SPECC1: variants seen among roughly 807,000 people sequenced by gnomAD.
SPECC1 encodes the protein sperm antigen with calponin homology and coiled-coil domains 1.
Under a neutral mutation model 104.1 loss-of-function variants are expected in SPECC1, and 62 were observed. The ratio of observed to expected loss-of-function variants is 0.60; its 90% CI spans 0.49 to 0.74. SPECC1 has a LOEUF of 0.74. Ranked by LOEUF, SPECC1 falls within the 30% of genes least tolerant of loss-of-function variation. SPECC1 has a pLI of 0.00. For synonymous variants in SPECC1, 513 were observed against 501.6 expected, an observed-to-expected ratio of 1.02 and a Z score of -0.30; for missense variants, 1,306 against 1,310.5, an observed-to-expected ratio of 1.00 and a Z score of 0.05.
At chr17:20,087,111 A>C (rs1465404210) in intron 1 of SPECC1, 1 of 152,232 alleles carries the variant, frequency 6.6e-6, no homozygotes, top group African/African-American at 2.4e-5. Flanking sequence ...CCATCAGTTC[A>C]TACTTTACAA....
At chr17:20,167,577 C>G (rs2033762443) in intron 3 of SPECC1, among the ~76,000 whole-genome samples, 1 of 152,158 alleles carries the variant, frequency 6.6e-6, no homozygotes, top group Admixed American at 6.5e-5. Context: ...ACTCGGGAGG[C>G]TGAGGCAGGA....
intron 1 of SPECC1, among the ~76,000 whole-genome samples, chr17:20,078,164 G>A (rs1488562157): frequency 1.3e-5 from 2 of 150,352 alleles, no homozygotes; most frequent in East Asian, 2.0e-4. Context: ...AACCTTTCAT[G>A]TAATCTTGGG....
chr17:20,084,941 G>T (rs1372999548), intron 1 of SPECC1, among the ~76,000 whole-genome samples: 2 of 152,230 alleles, frequency 1.3e-5, no homozygotes, highest in Admixed American at 1.3e-4. Flanking sequence ...ATAAGCCTGG[G>T]TCCAGGGTGC....
chr17:20,297,187 T>C, intron 13 of SPECC1, 110 bp downstream of exon 13: 2 of 839,894 alleles, frequency 2.4e-6, no homozygotes, highest in Non-Finnish European at 3.8e-6. Flanking sequence ...AGTTGGGATA[T>C]TGATACCAGG....
At chr17:20,042,420 T>C (rs746041444) in intron 1 of SPECC1, among the ~76,000 whole-genome samples, 2 of 152,144 alleles carry the variant, frequency 1.3e-5, no homozygotes, top group Middle Eastern at 3.2e-3. Flanking sequence ...GAATCTCCAC[T>C]AGGCCTCCTC....
At chr17:20,177,170 G>T (rs1334532582) in intron 3 of SPECC1, among the ~76,000 whole-genome samples, 2 of 152,152 alleles carry the variant, frequency 1.3e-5, no homozygotes, top group African/African-American at 4.8e-5. Context: ...AAATAGACTT[G>T]TAAAAAAAAT....
intron 12 of SPECC1, among the ~76,000 whole-genome samples, chr17:20,273,755 C>A (rs999633877): frequency 4.6e-5 from 7 of 152,206 alleles, no homozygotes; most frequent in Admixed American, 3.9e-4. Context: ...TGGGTCTTTG[C>A]CCTTCGCCAC....
At chr17:20,311,448 T>G (rs1172535770) in intron 14 of SPECC1, among the ~76,000 whole-genome samples, 2 of 152,004 alleles carry the variant, frequency 1.3e-5, no homozygotes, top group African/African-American at 4.8e-5. Context: ...TGGGGTGCAA[T>G]GGCATGATCT....
At chr17:20,240,225 G>A (rs935394365) in intron 7 of SPECC1, among the ~76,000 whole-genome samples, 1 of 151,276 alleles carries the variant, frequency 6.6e-6, no homozygotes, top group Non-Finnish European at 1.5e-5. Flanking sequence ...CCCTTTCTAA[G>A]CACATCTTTG....
At chr17:20,090,765 G>C (rs1302306373) in intron 1 of SPECC1, among the ~76,000 whole-genome samples, 1 of 152,180 alleles carries the variant, frequency 6.6e-6, no homozygotes, top group Non-Finnish European at 1.5e-5. Flanking sequence ...GGAGACAGAA[G>C]GACGTCACAG....
chr17:20,140,347 G>A (rs2030622502), intron 3 of SPECC1, among the ~76,000 whole-genome samples: 1 of 152,008 alleles, frequency 6.6e-6, no homozygotes, highest in Non-Finnish European at 1.5e-5. Flanking sequence ...ACATGAGAAA[G>A]AACGAAAATA....
chr17:20,208,649 A>G lies in SPECC1; in HGVS notation c.1863+2737A>G, dbSNP rs753791799. Among the ~76,000 whole-genome samples, 8 of 152,356 alleles carry G rather than the reference A, an allele frequency of 5.3e-5. No individual in the cohort carries two copies. In the East Asian group the frequency reaches 9.6e-4, roughly 18 times the overall value. The stretch of plus-strand genomic sequence containing the variant: ...TTGGGCAGGCCCCTTTACATTGTGC[A>G]ATGTCGAATAGAAGCGTGACGGTGG... On this transcript the variant is annotated intron_variant, in intron 4 of 14. Transcript: ENST00000395527.
chr17:20,294,134 A>G (rs914197767), intron 12 of SPECC1, among the ~76,000 whole-genome samples: 1 of 152,128 alleles, frequency 6.6e-6, no homozygotes, highest in African/African-American at 2.4e-5. Flanking sequence ...GGTGCCCACC[A>G]CCACACCTGG....
chr17:20,251,948 T>C (rs2039648726), intron 9 of SPECC1, among the ~76,000 whole-genome samples: 1 of 152,172 alleles, frequency 6.6e-6, no homozygotes, highest in African/African-American at 2.4e-5. Context: ...TTACTTGGCC[T>C]CTTGTGGCAC....
intron 3 of SPECC1, among the ~76,000 whole-genome samples, chr17:20,191,130 T>G (rs2035641066): frequency 6.6e-6 from 1 of 152,196 alleles, no homozygotes. Flanking sequence ...ATTATCTGGG[T>G]GTACCACAGT....
chr17:20,094,678 ATT>A lies in SPECC1; in HGVS notation c.-21-1942_-21-1941del, dbSNP rs11297866. Among the ~76,000 whole-genome samples the A allele has an allele frequency of 1.5e-3, 218 of 150,246 alleles. 2 individuals carry two copies. Among genetic ancestry groups the A allele is most frequent in the Middle Eastern group, 3.4e-3 (1 of 294 alleles). ...TAAGCCCTGTAATATCCAGTCCTTT[ATT>A]TTTTTTTTTTATTTAGAGAGAGGTT... On this transcript the variant is annotated intron_variant, in intron 1 of 14. Transcript: ENST00000395527.
rs868721866 is a variant in SPECC1, at chr17:20,144,839, C to G, written c.283+34277C>G. ...GTGGGCAGATAATAGAGGTGTCACA[C>G]GCTAGGAGGATGGATCACCTAATGA... On this transcript the variant is annotated intron_variant, in intron 3 of 14. Coordinates refer to ENST00000395527, the MANE Select transcript of SPECC1 (RefSeq NM_001243439.2). 3.9e-5 allele frequency among the ~76,000 whole-genome samples: 6 copies of G among 152,236 alleles called. No individual in the cohort carries two copies. The South Asian group carries it at 1.2e-3, about 32-fold the overall frequency.
chr17:20,186,672 T>C (rs2035301516), intron 3 of SPECC1, among the ~76,000 whole-genome samples: 1 of 152,152 alleles, frequency 6.6e-6, no homozygotes, highest in Admixed American at 6.5e-5. Flanking sequence ...CAGGTGATCC[T>C]CCCACCTCAG....
rs1555610111 is a variant in SPECC1 at position 20,117,717 on chromosome 17, A to AAG, written c.283+7156_283+7157insGA. ...GATGATTGTCTCAAAAAAAAAAAAA[A>AAG]AAAAGAAAAGGAAAAATAATATAAT... is the stretch of plus-strand genomic sequence containing the variant. On this transcript the variant is annotated intron_variant, in intron 3 of 14. Coordinates refer to ENST00000395527, the MANE Select transcript of SPECC1 (RefSeq NM_001243439.2). Among the ~76,000 whole-genome samples, 104 of 146,156 alleles carry AAG rather than the reference A, an allele frequency of 7.1e-4. 1 individual carries two copies. Among genetic ancestry groups the AAG allele is most frequent in the Middle Eastern group, 3.6e-3 (1 of 280 alleles).
Sources: allele counts gnomAD v4.1 joint callset (sites outside exome capture counted in the v4.1 genomes callset), GRCh38; gene constraint gnomAD v4.1.1; transcripts MANE v1.5; gene names NCBI Gene and HGNC (gene_info 2026-07-23, HGNC 2026-07-21).